Variants in AS3MT observed in about 807,000 individuals in gnomAD.
AS3MT encodes arsenite methyltransferase.
A neutral mutation model predicts 45.3 loss-of-function variants in AS3MT; 47 were observed. That is an observed-to-expected ratio of 1.04 (90% CI 0.82 to 1.32). AS3MT has a LOEUF of 1.32. AS3MT is among the 40% of genes most tolerant of loss of function. The pLI is 0.00. For missense variants in AS3MT, 396 were observed against 451.1 expected (o/e 0.88, Z 1.11); for synonymous variants, 141 against 152.8 (o/e 0.92, Z 0.57).
chr10:102,876,825 C>T, intron 6 of AS3MT, 129 bp from the exon 7 acceptor site: 1 of 899,322 alleles, frequency 1.1e-6, no homozygotes, highest in Non-Finnish European at 1.7e-6. Context: ...GCTATTTGTT[C>T]ACAAAGGGTC....
chr10:102,897,232 A>C (rs1845189103), intron 10 of AS3MT, among the ~76,000 whole-genome samples: 1 of 151,288 alleles, frequency 6.6e-6, no homozygotes, highest in African/African-American at 2.4e-5. Flanking sequence ...AAAATACAAA[A>C]AATTAGCCGG....
At chr10:102,871,261 A>C (rs1242033829) in intron 3 of AS3MT, among the ~76,000 whole-genome samples, 2 of 150,846 alleles carry the variant, frequency 1.3e-5, no homozygotes, top group African/African-American at 2.4e-5. Context: ...CAAAACAAAA[A>C]AAAGGCCGGG....
intron 9 of AS3MT, among the ~76,000 whole-genome samples, chr10:102,889,660 C>CTTCCTTCCTTCT: frequency 6.7e-6 from 1 of 149,558 alleles, no homozygotes. Context: ...TCCTTCCTTC[C>CTTCCTTCCTTCT]TTCCCTTCCT....
intron 9 of AS3MT, among the ~76,000 whole-genome samples, chr10:102,886,860 A>G (rs896890680): frequency 6.6e-6 from 1 of 152,014 alleles, no homozygotes; most frequent in Non-Finnish European, 1.5e-5. Flanking sequence ...CAAGCAATCC[A>G]CCTGCCTTGG....
chr10:102,877,519 T>C (rs1844800556), intron 7 of AS3MT, among the ~76,000 whole-genome samples: 1 of 144,592 alleles, frequency 6.9e-6, no homozygotes, highest in Admixed American at 7.1e-5. Context: ...ATTCTTACTA[T>C]GTAATAATAA....
rs770222107 is a variant in AS3MT, at chr10:102,872,488, A to G, written c.211A>G (p.Asn71Asp). ...CGLVIPEHLE[N>D]CWILDLGSGS... is the part of the protein sequence containing the mutation. ...TCTGGTGATCCCTGAGCATCTAGAA[A>G]ACTGCTGGATTTTGGATCTGGGTAG... The change falls in exon 4 of 11, where the codon AAC becomes GAC. Residue 71 changes from asparagine (N) to aspartate (D), a missense_variant. Coordinates refer to ENST00000369880, the MANE Select transcript of AS3MT (RefSeq NM_020682.4). The G allele has an allele frequency of 6.2e-7, 1 of 1,614,122 alleles. No homozygotes were observed. The highest frequency in any genetic ancestry group is 8.5e-7 in the Non-Finnish European group (1 of 1,180,014).
intron 10 of AS3MT, among the ~76,000 whole-genome samples, chr10:102,896,713 G>A (rs548876431): frequency 3.3e-5 from 5 of 151,758 alleles, no homozygotes; most frequent in African/African-American, 1.2e-4. Context: ...AGAGGCTGAG[G>A]CAGAGAATTG....
intron 3 of AS3MT, among the ~76,000 whole-genome samples, chr10:102,870,533 C>A (rs1004588696): frequency 6.6e-6 from 1 of 152,062 alleles, no homozygotes; most frequent in East Asian, 1.9e-4. Context: ...TAGCCAGATG[C>A]ATCTCTAAAA....
chr10:102,877,120 A>G (rs1844795535), intron 7 of AS3MT, 85 bp downstream of exon 7: 1 of 1,307,358 alleles, frequency 7.6e-7, no homozygotes. Context: ...GGATGAGGCT[A>G]TATGAGATCA....
chr10:102,873,284 A>ATTT, intron 5 of AS3MT, 51 bp downstream of exon 5: 1 of 1,303,272 alleles, frequency 7.7e-7, no homozygotes, highest in Non-Finnish European at 1.0e-6. Flanking sequence ...CTTTATTATT[A>ATTT]TTATTATTAT....
At chr10:102,888,221 A>G (rs1031486013) in intron 9 of AS3MT, 31 of 152,252 alleles carry the variant, frequency 2.0e-4, no homozygotes, top group African/African-American at 6.3e-4. Flanking sequence ...TCACAGCACT[A>G]TGCCTCTTAA....
chr10:102,870,063 C>T (rs1443091550), intron 2 of AS3MT, 21 bp from the exon 3 acceptor site: 2 of 1,613,046 alleles, frequency 1.2e-6, no homozygotes, highest in African/African-American at 2.7e-5. Flanking sequence ...CCCCTCACTC[C>T]ACTGTGGGAC....
intron 10 of AS3MT, among the ~76,000 whole-genome samples, chr10:102,892,071 T>C (rs964770985): frequency 6.6e-6 from 1 of 151,812 alleles, no homozygotes; most frequent in East Asian, 1.9e-4. Flanking sequence ...GCATATTGAA[T>C]CATTAATTAT....
At chr10:102,884,708 A>T (rs1338103393) in intron 9 of AS3MT, among the ~76,000 whole-genome samples, 2 of 151,662 alleles carry the variant, frequency 1.3e-5, no homozygotes, top group African/African-American at 4.8e-5. Flanking sequence ...CACCGTGCCC[A>T]GCTAATTTTT....
intron 3 of AS3MT, among the ~76,000 whole-genome samples, chr10:102,872,211 G>A (rs540964711): frequency 6.6e-6 from 1 of 152,312 alleles, no homozygotes; most frequent in South Asian, 2.1e-4. Flanking sequence ...GATGGCTTAT[G>A]AAGTCTTAGT....
chr10:102,882,121 A>G (rs1481952682), intron 9 of AS3MT, among the ~76,000 whole-genome samples: 1 of 151,744 alleles, frequency 6.6e-6, no homozygotes, highest in Non-Finnish European at 1.5e-5. Flanking sequence ...TTGTATTTTT[A>G]GTAGAGTTGG....
At chr10:102,872,836 T>G (rs1844716336) in intron 4 of AS3MT, among the ~76,000 whole-genome samples, 3 of 152,044 alleles carry the variant, frequency 2.0e-5, no homozygotes. Context: ...GACGATAGAG[T>G]GGACTTTGAT....
Position 102,872,754 on chromosome 10 carries a change from G to A in AS3MT, c.321+156G>A, listed in dbSNP as rs115224622. 7.1e-3 allele frequency among the ~76,000 whole-genome samples: 1,089 copies of A among 152,354 alleles called. 2 individuals are homozygous for A. Among genetic ancestry groups the A allele is most frequent in the African/African-American group, 0.025 (1,021 of 41,584 alleles). ...ACTAGTGCTTCCTGTCTTGGAAACTGATAACTTGAACAATTAGGGGTTCTT... is the reference window on the plus strand; with the variant it reads ...ACTAGTGCTTCCTGTCTTGGAAACTAATAACTTGAACAATTAGGGGTTCTT... On this transcript the variant is annotated intron_variant, in intron 4 of 10. Coordinates refer to ENST00000369880, the MANE Select transcript of AS3MT (RefSeq NM_020682.4).
chr10:102,877,507 T>C (rs1844800261), intron 7 of AS3MT, among the ~76,000 whole-genome samples: 1 of 150,660 alleles, frequency 6.6e-6, no homozygotes, highest in Non-Finnish European at 1.5e-5. Flanking sequence ...AATATTAACT[T>C]TATTCTTACT....
Sources: gnomAD v4.1 joint callset for allele counts (sites outside exome capture counted in the v4.1 genomes callset) on GRCh38, gnomAD v4.1.1 for gene constraint, MANE v1.5 for transcripts, NCBI Gene and HGNC (gene_info 2026-07-23, HGNC 2026-07-21) for gene names.